Variants in PIK3R3 observed in about 807,000 individuals in gnomAD.
PIK3R3 encodes phosphoinositide-3-kinase regulatory subunit 3, also known as phosphatidylinositol 3-kinase regulatory subunit gamma.
In PIK3R3, 64 loss-of-function variants were observed where a neutral mutation model predicts 62.9. The ratio of observed to expected loss-of-function variants is 1.02; its 90% confidence interval spans 0.83 to 1.25. PIK3R3 has a LOEUF of 1.25. Among genes scored for constraint, PIK3R3 ranks in the 50% most tolerant of loss-of-function variants. The probability of loss-of-function intolerance (pLI) is 0.00; values close to 1 mark genes in which losing one functional copy is unlikely to be tolerated. For missense variants in PIK3R3, 614 were observed against 561.6 expected, an observed-to-expected ratio of 1.09 and a Z score of -0.94; for synonymous variants, 165 against 189.0, an observed-to-expected ratio of 0.87 and a Z score of 1.04.
chr1:46,086,839 A>T (rs926341222), intron 1 of PIK3R3, among the ~76,000 whole-genome samples: 3 of 152,200 alleles, frequency 2.0e-5, no homozygotes, highest in African/African-American at 4.8e-5. Context: ...AGAGCAGTTA[A>T]GTCCTTAGTT....
chr1:46,061,720 C>G (rs955485099), intron 6 of PIK3R3, among the ~76,000 whole-genome samples: 1 of 152,084 alleles, frequency 6.6e-6, no homozygotes. Context: ...GAAGTCCTAA[C>G]GGATAAGCAG....
chr1:46,066,893 G>C lies in PIK3R3; in HGVS notation c.495+18C>G, dbSNP rs747529729. ...TAATCACTTGCTCAATAGCTAGCAAGGATTTCCATAATCATACCTGTTGGT... is the reference window on the plus strand; with the variant it reads ...TAATCACTTGCTCAATAGCTAGCAACGATTTCCATAATCATACCTGTTGGT... On this transcript the variant is annotated intron_variant, in intron 4 of 9. Transcript: ENST00000262741. 6.3e-7 allele frequency: 1 copy of C among 1,594,274 alleles called. No homozygotes were observed. Among genetic ancestry groups the C allele is most frequent in the Admixed American group, 1.7e-5 (1 of 59,874 alleles).
At chr1:46,134,264 G>A (rs536038778), upstream of PIK3R3, among the ~76,000 whole-genome samples, 18 of 152,248 alleles carry the variant, frequency 1.2e-4, no homozygotes, top group Admixed American at 3.9e-4. Flanking sequence ...GAGTTGCCAC[G>A]TTTCACCCTC....
chr1:46,051,353 C>T (rs1400528950), intron 7 of PIK3R3, among the ~76,000 whole-genome samples: 3 of 151,994 alleles, frequency 2.0e-5, no homozygotes, highest in Non-Finnish European at 2.9e-5. Flanking sequence ...CTCCACCTCC[C>T]GGGTTCAAGC....
At chr1:46,095,728 T>G (rs1652061403) in intron 1 of PIK3R3, among the ~76,000 whole-genome samples, 1 of 152,190 alleles carries the variant, frequency 6.6e-6, no homozygotes, top group African/African-American at 2.4e-5. Flanking sequence ...CACATTTAGG[T>G]TGATATATTA....
chr1:46,128,210 A>C (rs1486092368), intron 1 of PIK3R3, among the ~76,000 whole-genome samples: 1 of 152,200 alleles, frequency 6.6e-6, no homozygotes, highest in Non-Finnish European at 1.5e-5. Flanking sequence ...CGAGGTGGGC[A>C]GATCACTTGA....
intron 5 of PIK3R3, among the ~76,000 whole-genome samples, chr1:46,064,927 T>A (rs2149395049): frequency 6.6e-6 from 1 of 152,150 alleles, no homozygotes; most frequent in East Asian, 1.9e-4. Flanking sequence ...AGAGCAGAAA[T>A]TCATGAAACA....
intron 5 of PIK3R3, among the ~76,000 whole-genome samples, chr1:46,062,887 A>T (rs1648641996): frequency 6.6e-6 from 1 of 152,160 alleles, no homozygotes; most frequent in African/African-American, 2.4e-5. Context: ...CCTGGGCTTA[A>T]GGGATCATTC....
At chr1:46,138,308 C>T in the PIK3R3 span, among the ~76,000 whole-genome samples, 2 of 152,184 alleles carry the variant, frequency 1.3e-5, no homozygotes, top group Non-Finnish European at 2.9e-5. Flanking sequence ...CCATTTTATA[C>T]GTTTCATTGT....
chr1:46,073,101 T>G (rs1157116192), intron 3 of PIK3R3, among the ~76,000 whole-genome samples: 2 of 152,016 alleles, frequency 1.3e-5, no homozygotes, highest in Non-Finnish European at 2.9e-5. Flanking sequence ...CAAGACAGAC[T>G]AGGTGGGAAG....
chr1:46,121,320 T>C (rs1240433051), intron 1 of PIK3R3, among the ~76,000 whole-genome samples: 1 of 152,114 alleles, frequency 6.6e-6, no homozygotes, highest in East Asian at 1.9e-4. Context: ...CCATATTGAG[T>C]GACCCTGTTG....
At chr1:46,171,765 G>A in the PIK3R3 span, among the ~76,000 whole-genome samples, 1 of 152,172 alleles carries the variant, frequency 6.6e-6, no homozygotes, top group African/African-American at 2.4e-5. Context: ...CAGAGGCGAA[G>A]AGAGGGGCCA....
At chr1:46,173,486 A>T in the PIK3R3 span, among the ~76,000 whole-genome samples, 3 of 152,170 alleles carry the variant, frequency 2.0e-5, no homozygotes, top group African/African-American at 7.2e-5. Flanking sequence ...AGGCACCTTA[A>T]GGGGTGGAGA....
At chr1:46,129,091 A>T (rs1655344354) in intron 1 of PIK3R3, among the ~76,000 whole-genome samples, 1 of 152,032 alleles carries the variant, frequency 6.6e-6, no homozygotes, top group African/African-American at 2.4e-5. Flanking sequence ...AAAAAAGAAG[A>T]AGAAGTGCTA....
intron 3 of PIK3R3, among the ~76,000 whole-genome samples, chr1:46,072,981 G>C (rs989023965): frequency 3.3e-5 from 5 of 150,472 alleles, no homozygotes; most frequent in African/African-American, 1.2e-4. Context: ...ATATATATTA[G>C]GCATCCATTC....
At chr1:46,100,497 C>T (rs1652556942) in intron 1 of PIK3R3, among the ~76,000 whole-genome samples, 1 of 152,164 alleles carries the variant, frequency 6.6e-6, no homozygotes, top group Non-Finnish European at 1.5e-5. Flanking sequence ...GTTGGTCTAT[C>T]CTGTGCCAAT....
chr1:46,151,425 G>A, the PIK3R3 span, among the ~76,000 whole-genome samples: 123 of 152,264 alleles, frequency 8.1e-4, 4 homozygotes, highest in East Asian at 0.02. Context: ...GCCTGGCAGA[G>A]GCCTCCTCTT....
the PIK3R3 span, among the ~76,000 whole-genome samples, chr1:46,168,348 C>T: frequency 6.6e-6 from 1 of 152,120 alleles, no homozygotes; most frequent in Non-Finnish European, 1.5e-5. Flanking sequence ...CTCTCAAGAA[C>T]AAGGACCACG....
upstream of PIK3R3, chr1:46,133,120 C>G: frequency 2.5e-6 from 2 of 797,768 alleles, no homozygotes; most frequent in Non-Finnish European, 3.0e-6. Flanking sequence ...GCGGGCCAAT[C>G]AGGAGACAGC....
Sources: gnomAD v4.1 joint callset for allele counts (sites outside exome capture counted in the v4.1 genomes callset) on GRCh38, gnomAD v4.1.1 for gene constraint, MANE v1.5 for transcripts, NCBI Gene and HGNC (gene_info 2026-07-23, HGNC 2026-07-21) for gene names.